The following SHC4 variants were observed in gnomAD, a reference collection of about 807,000 sequenced individuals.
The protein encoded by SHC4 is SHC-transforming protein 4.
A neutral mutation model predicts 69.4 loss-of-function variants in SHC4; 41 were observed. The ratio of observed to expected loss-of-function variants is 0.59; its 90% CI spans 0.46 to 0.77. SHC4 has a LOEUF of 0.77. SHC4 is among the 30% of genes least tolerant of loss of function. SHC4 has a pLI of 0.00. For missense variants in SHC4, 777 were observed against 783.8 expected, an observed-to-expected ratio of 0.99 and a Z score of 0.10; for synonymous variants, 318 against 299.3, an observed-to-expected ratio of 1.06 and a Z score of -0.64.
At chr15:48,868,808 A>G (rs1489748897) in intron 5 of SHC4, among the ~76,000 whole-genome samples, 1 of 152,360 alleles carries the variant, frequency 6.6e-6, no homozygotes, top group East Asian at 1.9e-4. Flanking sequence ...TAAAGAAAAT[A>G]ATAACACATA....
chr15:48,851,526 A>G (rs1472837195), intron 8 of SHC4, among the ~76,000 whole-genome samples: 1 of 152,086 alleles, frequency 6.6e-6, no homozygotes, highest in African/African-American at 2.4e-5. Context: ...TCTGCTTGAG[A>G]AGTCACATGC....
chr15:48,829,320 A>G (rs1898751742), intron 11 of SHC4, among the ~76,000 whole-genome samples: 1 of 152,190 alleles, frequency 6.6e-6, no homozygotes, highest in Non-Finnish European at 1.5e-5. Flanking sequence ...TCCATTATTG[A>G]AAGTGGAGCA....
At chr15:48,957,951 A>G (rs544988114) in intron 1 of SHC4, among the ~76,000 whole-genome samples, 6 of 152,366 alleles carry the variant, frequency 3.9e-5, no homozygotes, top group African/African-American at 1.4e-4. Flanking sequence ...AATTGCAGGC[A>G]ACTGCCAAAA....
intron 3 of SHC4, among the ~76,000 whole-genome samples, chr15:48,886,646 T>G (rs1452134128): frequency 2.6e-5 from 4 of 152,190 alleles, no homozygotes; most frequent in Non-Finnish European, 5.9e-5. Context: ...TTCTTCCACC[T>G]CTAGCCATGG....
chr15:48,893,048 G>A (rs142645726), intron 2 of SHC4, among the ~76,000 whole-genome samples: 3 of 152,174 alleles, frequency 2.0e-5, no homozygotes, highest in Non-Finnish European at 4.4e-5. Flanking sequence ...TTCACAAACT[G>A]TTTTCCCACA....
chr15:48,836,512 T>G (rs1191144331), intron 10 of SHC4, among the ~76,000 whole-genome samples: 2 of 152,198 alleles, frequency 1.3e-5, no homozygotes, highest in African/African-American at 4.8e-5. Context: ...AAGGCAAATT[T>G]ACCAGGAAAA....
intron 2 of SHC4, among the ~76,000 whole-genome samples, chr15:48,923,095 G>C (rs147106936): frequency 6.6e-6 from 1 of 152,184 alleles, no homozygotes. Flanking sequence ...GATTCCAGAG[G>C]AAATACCAAG....
rs191377459 is a variant in SHC4, at chr15:48,949,411, C to T, written c.585+13020G>A. Among the ~76,000 whole-genome samples, 132 of 151,220 alleles carry T rather than the reference C, an allele frequency of 8.7e-4. 1 individual carries two copies. Among genetic ancestry groups the T allele is most frequent in the African/African-American group, 2.9e-3 (120 of 41,238 alleles). ...AACCTTAGGGAGGCTGGACTGAATTCTACCCTCTTCATCAAATTATTCTTC... is the reference window on the plus strand; with the variant it reads ...AACCTTAGGGAGGCTGGACTGAATTTTACCCTCTTCATCAAATTATTCTTC... On this transcript the variant is annotated intron_variant, in intron 1 of 11. Coordinates refer to ENST00000332408, the MANE Select transcript of SHC4 (RefSeq NM_203349.4).
chr15:48,911,378 A>T (rs1440038385), intron 2 of SHC4, among the ~76,000 whole-genome samples: 1 of 152,172 alleles, frequency 6.6e-6, no homozygotes, highest in Admixed American at 6.5e-5. Flanking sequence ...ATATAAGAAT[A>T]GCTACCCCTG....
intron 7 of SHC4, 60 bp downstream of exon 7, chr15:48,857,632 A>T: frequency 1.4e-6 from 2 of 1,381,138 alleles, no homozygotes; most frequent in Non-Finnish European, 1.9e-6. Context: ...AAATAAATAC[A>T]TACAGATAAA....
At chr15:48,851,331 G>A (rs17382534) in intron 8 of SHC4, 83 bp from the exon 9 acceptor site, 324,216 of 1,314,292 alleles carry the variant, frequency 0.25, 42,178 homozygotes, top group Non-Finnish European at 0.27. Context: ...AATAATCCCA[G>A]AAGAATATAG....
intron 2 of SHC4, 151 bp downstream of exon 2, chr15:48,924,728 C>A: frequency 1.4e-6 from 1 of 708,240 alleles, no homozygotes; most frequent in African/African-American, 1.8e-5. Context: ...TCAAGCCACT[C>A]ATTGAAGGTC....
chr15:48,957,851 G>A (rs982165026), intron 1 of SHC4, among the ~76,000 whole-genome samples: 4 of 152,320 alleles, frequency 2.6e-5, no homozygotes, highest in Non-Finnish European at 4.4e-5. Context: ...TAAAAAAGAG[G>A]GAAATTTGGC....
chr15:48,911,582 T>C (rs760707791), intron 2 of SHC4, among the ~76,000 whole-genome samples: 2 of 152,212 alleles, frequency 1.3e-5, no homozygotes, highest in Non-Finnish European at 2.9e-5. Context: ...TATTGAAATG[T>C]GAGGTTTAGA....
intron 6 of SHC4, among the ~76,000 whole-genome samples, chr15:48,867,452 C>T (rs1456614232): frequency 6.6e-6 from 1 of 152,020 alleles, no homozygotes; most frequent in African/African-American, 2.4e-5. Flanking sequence ...GACACACACA[C>T]ACACCAAAGC....
chr15:48,881,196 G>T (rs899923799), intron 4 of SHC4, among the ~76,000 whole-genome samples: 2 of 151,906 alleles, frequency 1.3e-5, no homozygotes, highest in African/African-American at 4.8e-5. Flanking sequence ...CTGTCTTCAG[G>T]CCACAGATCT....
intron 6 of SHC4, among the ~76,000 whole-genome samples, chr15:48,858,698 T>C (rs1249121433): frequency 6.6e-6 from 1 of 152,128 alleles, no homozygotes; most frequent in Non-Finnish European, 1.5e-5. Flanking sequence ...GAAGATATAA[T>C]TGATGGAAGT....
intron 1 of SHC4, chr15:48,948,069 AG>A (rs1901305081): frequency 6.6e-6 from 1 of 152,360 alleles, no homozygotes; most frequent in African/African-American, 2.4e-5. Flanking sequence ...ATGAATACAC[AG>A]GGTCTTGGAT....
chr15:48,877,336 T>C (rs2140997687), intron 4 of SHC4: 2 of 690,926 alleles, frequency 2.9e-6, no homozygotes, highest in Non-Finnish European at 3.6e-6. Context: ...TACATAACTA[T>C]AATGTAATAA....
Sources: allele counts gnomAD v4.1 joint callset (sites outside exome capture counted in the v4.1 genomes callset), GRCh38; gene constraint gnomAD v4.1.1; transcripts MANE v1.5; gene names NCBI Gene and HGNC (gene_info 2026-07-23, HGNC 2026-07-21).